Variants in CLDN19 observed in about 807,000 individuals in gnomAD.
The protein encoded by CLDN19 is claudin-19.
In CLDN19, 19 loss-of-function variants were observed where a neutral mutation model predicts 24.5. That is an observed-to-expected ratio of 0.78 (90% CI 0.54 to 1.14). The LOEUF (loss-of-function observed/expected upper bound fraction) is 1.14, where lower values mean the gene tolerates loss of function less well. Ranked by LOEUF, CLDN19 falls within the 50% of genes most tolerant of loss-of-function variation. The pLI is 0.00. For synonymous variants in CLDN19, 117 were observed against 129.6 expected (o/e 0.90, Z 0.66); for missense variants, 250 against 295.9 (o/e 0.84, Z 1.14).
chr1:42,735,603 G>A (rs1424598155), intron 4 of CLDN19: 13 of 1,425,066 alleles, frequency 9.1e-6, no homozygotes, highest in African/African-American at 1.4e-5. Flanking sequence ...CTCCAGGGAT[G>A]CATGCTGGTG....
At position 42,734,790 on chromosome 1, in the gene CLDN19, G is replaced by C. The variant is rs1037519071; in HGVS notation, c.*296C>G. On this transcript the variant is annotated 3_prime_UTR_variant, in exon 5 of 5. Transcript: ENST00000296387. ...CTATCAAGGAGGACTTTGTGCCAAG[G>C]CCAAGGCCAGGCTTGGGAGGGGGGT... The C allele has an allele frequency of 7.8e-5, 31 of 397,976 alleles. No homozygotes were observed. Among genetic ancestry groups the C allele is most frequent in the Non-Finnish European group, 6.5e-5 (14 of 216,234 alleles). The allele number at this position is 397,976 out of a possible 1,614,324, so 24.7% of individuals were successfully genotyped here.
chr1:42,739,668 A>G (rs1461877456), intron 1 of CLDN19, among the ~76,000 whole-genome samples, 173 bp downstream of exon 1: 1 of 152,210 alleles, frequency 6.6e-6, no homozygotes, highest in Non-Finnish European at 1.5e-5. Flanking sequence ...CCCCTCCCAC[A>G]GGGCAGCAGG....
Position 42,733,500 on chromosome 1 carries a change from T to A in CLDN19, c.*1586A>T, listed in dbSNP as rs1486687028. The A allele has an allele frequency of 2.0e-5, 3 of 152,236 alleles. No individual in the cohort carries two copies. The highest frequency in any genetic ancestry group is 2.9e-5 in the Non-Finnish European group (2 of 68,072). 9.4% of individuals were successfully genotyped at this position (152,236 alleles called of 1,614,324 possible). ...ACAGTCCCCTGAGGAGCTACATGAC[T>A]TCTGATGCCAGGTCCACCCAGACCA... On this transcript the variant is annotated 3_prime_UTR_variant, in exon 5 of 5. Coordinates refer to ENST00000296387, the MANE Select transcript of CLDN19 (RefSeq NM_148960.3).
chr1:42,735,551 T>G (rs1651332197), intron 4 of CLDN19: 1 of 1,418,930 alleles, frequency 7.0e-7, no homozygotes, highest in Non-Finnish European at 9.2e-7. Context: ...CCCAAGCAGC[T>G]CTTCAGTGAG....
Position 42,736,039 on chromosome 1 carries a change from G to T in CLDN19, c.474-9C>A, listed in dbSNP as rs1341963878. 1 of 1,554,198 alleles carries T rather than the reference G, an allele frequency of 6.4e-7. No homozygotes were observed. Among genetic ancestry groups the T allele is most frequent in the South Asian group, 1.2e-5 (1 of 85,354 alleles). On this transcript the variant is annotated splice_polypyrimidine_tract_variant and intron_variant, in intron 3 of 4. Coordinates refer to ENST00000296387, the MANE Select transcript of CLDN19 (RefSeq NM_148960.3). ...CTGGGCCAAATTCATACCTGCAAGG[G>T]GTAGGGAGAGTGGCATCAGGTGTGG...
At chr1:42,738,029 A>G (rs1651426636) in intron 3 of CLDN19, among the ~76,000 whole-genome samples, 200 bp downstream of exon 3, 1 of 152,052 alleles carries the variant, frequency 6.6e-6, no homozygotes, top group South Asian at 2.1e-4. Flanking sequence ...GTCCTTAGAG[A>G]GTCCTTGCTG....
rs906095096 is a variant in CLDN19 at position 42,738,275 on chromosome 1, G to A, written c.427C>T (p.Leu143=). 5.6e-6 allele frequency: 9 copies of A among 1,613,944 alleles called. No individual in the cohort carries two copies. The highest frequency in any genetic ancestry group is 7.6e-6 in the Non-Finnish European group (9 of 1,180,042). Residue 143 remains leucine, a synonymous_variant, in exon 3 of 5, where the codon CTG becomes TTG. Coordinates refer to ENST00000296387, the MANE Select transcript of CLDN19 (RefSeq NM_148960.3). The part of the protein sequence containing the change: ...TLTAVSWYAT[L]VTQEFFNPST... ...GGGTTGAAGAACTCCTGGGTCACCA[G>A]GGTGGCATACCACGAGACAGCAGTC...
chr1:42,738,293 C>A lies in CLDN19; in HGVS notation c.409G>T (p.Val137Phe). Residue 137 changes from valine to phenylalanine, a missense_variant, in exon 3 of 5, where the codon GTC becomes TTC. Transcript: ENST00000296387. ...GTCACCAGGGTGGCATACCACGAGA[C>A]AGCAGTCAAAGTGCAGAGGCCTAAA... ...ILAGLCTLTA[V>F]SWYATLVTQE... 6.2e-7 allele frequency: 1 copy of A among 1,613,908 alleles called. No homozygotes were observed. The highest frequency in any genetic ancestry group is 8.5e-7 in the Non-Finnish European group (1 of 1,180,036).
Position 42,734,776 on chromosome 1 carries a change from G to A in CLDN19, c.*310C>T, listed in dbSNP as rs1224550639. On this transcript the variant is annotated 3_prime_UTR_variant, in exon 5 of 5. Coordinates refer to ENST00000296387, the MANE Select transcript of CLDN19 (RefSeq NM_148960.3). ...GTGAGTGGGATCTCCTATCAAGGAG[G>A]ACTTTGTGCCAAGGCCAAGGCCAGG... The A allele has an allele frequency of 2.7e-6, 1 of 365,526 alleles. No individual in the cohort carries two copies. The highest frequency in any genetic ancestry group is 5.1e-6 in the Non-Finnish European group (1 of 196,666). The allele number at this position is 365,526 out of a possible 1,614,324, so 22.6% of individuals were successfully genotyped here.
rs1570441516 is a variant in CLDN19, at chr1:42,734,975, C to T, written c.*111G>A. The T allele has an allele frequency of 1.1e-6, 1 of 925,010 alleles. No individual in the cohort carries two copies. Among genetic ancestry groups the T allele is most frequent in the East Asian group, 2.6e-5 (1 of 38,518 alleles). The allele number at this position is 925,010 out of a possible 1,614,324, so 57.3% of individuals were successfully genotyped here. A position where few individuals can be genotyped will look rare whatever the true frequency, so the allele number is the denominator to read the frequency against. On this transcript the variant is annotated 3_prime_UTR_variant, in exon 5 of 5. Coordinates refer to ENST00000296387, the MANE Select transcript of CLDN19 (RefSeq NM_148960.3). ...GGCCCCGTCCAAGCCACGCTGAGGACAGACCGAATGATACCATGATTGGGG... is the reference window on the plus strand; with the variant it reads ...GGCCCCGTCCAAGCCACGCTGAGGATAGACCGAATGATACCATGATTGGGG...
At chr1:42,736,157 T>C in intron 3 of CLDN19, 127 bp from the exon 4 acceptor site, 2 of 637,026 alleles carry the variant, frequency 3.1e-6, no homozygotes, top group East Asian at 5.5e-5. Context: ...CTCTTCCATA[T>C]CTCCAGATAA....
intron 3 of CLDN19, 51 bp downstream of exon 3, chr1:42,738,178 G>A: frequency 7.1e-7 from 1 of 1,406,624 alleles, no homozygotes; most frequent in Non-Finnish European, 1.0e-6. Context: ...GTGGACAAAG[G>A]TCAGTGGCCC....
chr1:42,734,992 T>A lies in CLDN19; in HGVS notation c.*94A>T. 2.0e-6 allele frequency: 2 copies of A among 1,024,768 alleles called. No individual in the cohort carries two copies. The highest frequency in any genetic ancestry group is 3.0e-6 in the Non-Finnish European group (2 of 661,940). 63.5% of individuals were successfully genotyped at this position (1,024,768 alleles called of 1,614,324 possible). On this transcript the variant is annotated 3_prime_UTR_variant, in exon 5 of 5. Transcript: ENST00000296387. ...GCTGAGGACAGACCGAATGATACCATGATTGGGGCTGGATGTTCACTTCTC... is the reference window on the plus strand; with the variant it reads ...GCTGAGGACAGACCGAATGATACCAAGATTGGGGCTGGATGTTCACTTCTC...
intron 3 of CLDN19, among the ~76,000 whole-genome samples, chr1:42,736,874 C>T (rs1291197950): frequency 6.6e-6 from 1 of 152,214 alleles, no homozygotes; most frequent in Non-Finnish European, 1.5e-5. Context: ...CCTATCCTGA[C>T]ATGCCTGAGC....
In CLDN19 at chr1:42,739,822, C is replaced by T. The variant is rs1326363217; in HGVS notation, c.223+19G>A. 4.3e-6 allele frequency: 7 copies of T among 1,609,424 alleles called. No individual in the cohort carries two copies. The highest frequency in any genetic ancestry group is 5.1e-6 in the Non-Finnish European group (6 of 1,177,678). ...CTGTTCCCACCTCCCATCTCCCACC[C>T]CGCCGGCCTGGGGCCTACCGTCCAG... On this transcript the variant is annotated intron_variant, in intron 1 of 4. Coordinates refer to ENST00000296387, the MANE Select transcript of CLDN19 (RefSeq NM_148960.3).
At chr1:42,738,643 C>A in intron 1 of CLDN19, 58 bp from the exon 2 acceptor site, 1 of 1,565,450 alleles carries the variant, frequency 6.4e-7, no homozygotes, top group South Asian at 1.1e-5. Flanking sequence ...TGGGTCGGTG[C>A]CTGGGGTCGG....
At position 42,733,582 on chromosome 1, in the gene CLDN19, A is replaced by G. The variant is rs1301862960; in HGVS notation, c.*1504T>C. 1 of 152,214 alleles carries G rather than the reference A, an allele frequency of 6.6e-6. No individual in the cohort carries two copies. Among genetic ancestry groups the G allele is most frequent in the Non-Finnish European group, 1.5e-5 (1 of 68,044 alleles). The allele number at this position is 152,214 out of a possible 1,614,324, so 9.4% of individuals were successfully genotyped here. On this transcript the variant is annotated 3_prime_UTR_variant, in exon 5 of 5. Coordinates refer to ENST00000296387, the MANE Select transcript of CLDN19 (RefSeq NM_148960.3). ...GGCATTGTGCCCCCAGGTGATTCGA[A>G]TGTGCATGCAGGGTTGGGAACCATT...
At position 42,738,514 on chromosome 1, in the gene CLDN19, C is replaced by T. The variant is rs752926836; in HGVS notation, c.295G>A (p.Val99Ile). ...ACCCGCGTACACTTCATGCCAACTA[C>T]GCTGAGGACCATGGCCACGAAGCCC... ...LLGFVAMVLS[V>I]VGMKCTRVGD... Residue 99 changes from valine (V) to isoleucine (I), a missense_variant, in exon 2 of 5, where the codon GTA becomes ATA. Physicochemically the swap from Val to Ile is conservative, Grantham distance 29 (BLOSUM62 3). Coordinates refer to ENST00000296387, the MANE Select transcript of CLDN19 (RefSeq NM_148960.3). 38 of 1,613,922 alleles carry T rather than the reference C, an allele frequency of 2.4e-5. No individual in the cohort carries two copies. The highest frequency in any genetic ancestry group is 2.7e-5 in the African/African-American group (2 of 74,934).
chr1:42,734,881 C>T lies in CLDN19; in HGVS notation c.*205G>A, dbSNP rs1233170783. The T allele has an allele frequency of 3.3e-6, 2 of 613,558 alleles. No individual in the cohort carries two copies. Among genetic ancestry groups the T allele is most frequent in the Non-Finnish European group, 5.9e-6 (2 of 336,256 alleles). 38.0% of individuals were successfully genotyped at this position (613,558 alleles called of 1,614,324 possible). On this transcript the variant is annotated 3_prime_UTR_variant, in exon 5 of 5. Coordinates refer to ENST00000296387, the MANE Select transcript of CLDN19 (RefSeq NM_148960.3). ...AGCCCTGGATGTGCTATGTAACCCA[C>T]CCTGGACCTCTGTCTCCTCATCTTT...
Sources: allele counts gnomAD v4.1 joint callset (sites outside exome capture counted in the v4.1 genomes callset), GRCh38; gene constraint gnomAD v4.1.1; transcripts MANE v1.5; gene names NCBI Gene and HGNC (gene_info 2026-07-23, HGNC 2026-07-21).